The following IQSEC1 variants were observed in gnomAD, a reference collection of about 807,000 sequenced individuals.
IQSEC1 encodes IQ motif and SEC7 domain-containing protein 1.
A neutral mutation model predicts 91.0 loss-of-function variants in IQSEC1; 31 were observed. That is an observed-to-expected ratio of 0.34 (90% CI 0.26 to 0.46). IQSEC1 has a LOEUF of 0.46. Ranked by LOEUF, IQSEC1 falls within the 20% of genes least tolerant of loss-of-function variation. IQSEC1 has a pLI of 1.00. For synonymous variants in IQSEC1, 699 were observed against 662.6 expected, an observed-to-expected ratio of 1.05 and a Z score of -0.84; for missense variants, 1,388 against 1,575.6, an observed-to-expected ratio of 0.88 and a Z score of 2.02.
At chr3:13,022,657 A>C in intron 1 of IQSEC1, 1 of 162,610 alleles carries the variant, frequency 6.1e-6, no homozygotes, top group Non-Finnish European at 1.3e-5. Context: ...CTTAAACCCA[A>C]CTCCCGCCCT....
Position 13,103,308 on chromosome 3 carries a change from T to C in IQSEC1, c.303-55786A>G, listed in dbSNP as rs535499424. On this transcript the variant is annotated intron_variant, in intron 2 of 15. Transcript: ENST00000648114. This position sits in a 1 kb window ranked among gnomAD's most constrained non-coding sequence, Gnocchi z 4.1. Reference sequence around the variant, plus strand: ...TCCAATTTGTGTTTCCAGAAATTCATCTCCCAGCCACCTTTTTAATTAACC... The same window carrying C: ...TCCAATTTGTGTTTCCAGAAATTCACCTCCCAGCCACCTTTTTAATTAACC... Among the ~76,000 whole-genome samples, 1 of 152,124 alleles carries C rather than the reference T, an allele frequency of 6.6e-6. No homozygotes were observed. The highest frequency in any genetic ancestry group is 1.5e-5 in the Non-Finnish European group (1 of 67,994).
intron 1 of IQSEC1, among the ~76,000 whole-genome samples, chr3:13,212,056 A>G (rs1203799373): frequency 6.6e-6 from 1 of 152,102 alleles, no homozygotes; most frequent in Non-Finnish European, 1.5e-5. Flanking sequence ...CCTCTGTCCC[A>G]TTGTGTGCTG....
chr3:13,164,653 T>G (rs929171683), intron 1 of IQSEC1, among the ~76,000 whole-genome samples: 15 of 152,230 alleles, frequency 9.9e-5, no homozygotes, highest in African/African-American at 3.6e-4. Flanking sequence ...GAGACAACCT[T>G]GAATGTCAAG....
rs529288605 is a variant in IQSEC1, at chr3:13,207,854, C to T, written c.273-43721G>A. 1.3e-5 allele frequency among the ~76,000 whole-genome samples: 2 copies of T among 152,290 alleles called. No homozygotes were observed. The highest frequency in any genetic ancestry group is 2.9e-5 in the Non-Finnish European group (2 of 68,032). ...ATACACTGACCAGCCTTCCCTCCTGCCTTTGTGCTGACTTGTTTACTCCAT... is the reference window on the plus strand; with the variant it reads ...ATACACTGACCAGCCTTCCCTCCTGTCTTTGTGCTGACTTGTTTACTCCAT... On this transcript the variant is annotated intron_variant, in intron 1 of 15. Coordinates refer to the IQSEC1 transcript ENST00000648114. The surrounding 1 kb of genome is among the most constrained non-coding windows in gnomAD (Gnocchi z 4.8).
intron 3 of IQSEC1, among the ~76,000 whole-genome samples, chr3:12,932,808 C>T (rs1342752990): frequency 6.6e-6 from 1 of 152,230 alleles, no homozygotes; most frequent in Admixed American, 6.5e-5. Flanking sequence ...TCCCGCAGCA[C>T]CGCCAGCCAG....
chr3:12,899,388 G>A lies in IQSEC1; in HGVS notation c.*1595C>T, dbSNP rs1371888689. On this transcript the variant is annotated 3_prime_UTR_variant, in exon 14 of 14. Coordinates refer to ENST00000613206, the MANE Select transcript of IQSEC1 (RefSeq NM_001134382.3). ...CGGGGGGCAGTCCTCGGGTCCCATG[G>A]CTTAGGAGCACAGCACTGACGGCTG... 6.2e-7 allele frequency: 1 copy of A among 1,613,016 alleles called. No individual in the cohort carries two copies. Among genetic ancestry groups the A allele is most frequent in the Admixed American group, 1.7e-5 (1 of 59,992 alleles).
intron 6 of IQSEC1, among the ~76,000 whole-genome samples, chr3:12,919,916 C>T (rs1221910521): frequency 6.6e-6 from 1 of 152,240 alleles, no homozygotes; most frequent in African/African-American, 2.4e-5. Flanking sequence ...ATGCCCACCT[C>T]CCTGAGGGCA....
At chr3:13,141,285 A>G (rs111654761) in intron 2 of IQSEC1, among the ~76,000 whole-genome samples, 4 of 152,216 alleles carry the variant, frequency 2.6e-5, no homozygotes, top group Admixed American at 6.5e-5. Context: ...ACGGAAAAGC[A>G]TGGATGGATT....
Position 13,271,103 on chromosome 3 carries a change from C to T in IQSEC1, c.272+11608G>A, listed in dbSNP as rs571158510. Among the ~76,000 whole-genome samples, 28 of 152,258 alleles carry T rather than the reference C, an allele frequency of 1.8e-4. No individual in the cohort carries two copies. The East Asian group carries it at 4.2e-3, about 23-fold the overall frequency. On this transcript the variant is annotated intron_variant, in intron 1 of 15. Transcript: ENST00000648114. ...AAGAAGACACAATAATAGGGCTGGG[C>T]GTGGTGGCTCATGCCTGTAATCCCA... is the stretch of plus-strand genomic sequence containing the variant.
intron 2 of IQSEC1, among the ~76,000 whole-genome samples, chr3:13,109,832 C>T: frequency 6.8e-6 from 1 of 148,046 alleles, no homozygotes. Flanking sequence ...TCAGGAATTT[C>T]TTTATAGCGG....
intron 1 of IQSEC1, among the ~76,000 whole-genome samples, chr3:13,200,375 G>A (rs186213626): frequency 8.8e-4 from 134 of 152,208 alleles, no homozygotes; most frequent in South Asian, 3.9e-3. Flanking sequence ...ATTCTCCACC[G>A]TGTCCCCTCA....
At chr3:12,930,440 ATT>A (rs754897421) in intron 3 of IQSEC1, among the ~76,000 whole-genome samples, 10 of 152,198 alleles carry the variant, frequency 6.6e-5, no homozygotes, top group African/African-American at 9.7e-5. Context: ...TAGTGGGCAG[ATT>A]CTACTCTCTG....
intron 1 of IQSEC1, among the ~76,000 whole-genome samples, chr3:13,186,769 C>T (rs1693938529): frequency 6.6e-6 from 1 of 152,144 alleles, no homozygotes; most frequent in Non-Finnish European, 1.5e-5. Context: ...GCTCCCTGCA[C>T]TGGACGGCGA....
chr3:13,161,887 C>T (rs1707183154), intron 2 of IQSEC1, among the ~76,000 whole-genome samples: 1 of 152,202 alleles, frequency 6.6e-6, no homozygotes, highest in African/African-American at 2.4e-5. Context: ...TGCCAGTCCC[C>T]CTGCAACGCA....
chr3:13,084,027 G>T (rs1480615853), intron 2 of IQSEC1, among the ~76,000 whole-genome samples: 1 of 152,238 alleles, frequency 6.6e-6, no homozygotes, highest in Non-Finnish European at 1.5e-5. Context: ...AAGGCCATAT[G>T]TACCAGGGGC....
chr3:12,943,808 G>A (rs1698977458), intron 1 of IQSEC1, among the ~76,000 whole-genome samples: 1 of 152,278 alleles, frequency 6.6e-6, no homozygotes, highest in Non-Finnish European at 1.5e-5. Context: ...GGCACAACCA[G>A]TGGCCCAGGT....
intron 6 of IQSEC1, among the ~76,000 whole-genome samples, chr3:12,916,203 A>G (rs1261194150): frequency 1.3e-5 from 2 of 152,178 alleles, no homozygotes; most frequent in African/African-American, 2.4e-5. Context: ...GACTGCCTCA[A>G]CCATGCTTGG....
At chr3:13,178,704 T>C (rs58413303) in intron 1 of IQSEC1, among the ~76,000 whole-genome samples, 18,108 of 152,144 alleles carry the variant, frequency 0.12, 1,518 homozygotes, top group African/African-American at 0.24. Flanking sequence ...ACTAACCTAC[T>C]CCAAATACTG....
chr3:13,196,896 G>T (rs536466942), intron 1 of IQSEC1, among the ~76,000 whole-genome samples: 87 of 152,184 alleles, frequency 5.7e-4, no homozygotes, highest in African/African-American at 2.0e-3. Flanking sequence ...CAAGTCAGGG[G>T]GAGCAGGAGA....
Sources: allele counts gnomAD v4.1 joint callset (sites outside exome capture counted in the v4.1 genomes callset), GRCh38; gene constraint gnomAD v4.1.1; non-coding constraint Gnocchi (gnomAD v3.1); transcripts MANE v1.5; gene names NCBI Gene and HGNC (gene_info 2026-07-23, HGNC 2026-07-21).